Variants in THSD4 observed in about 807,000 individuals in gnomAD.
THSD4 encodes thrombospondin type 1 domain containing 4, also known as thrombospondin type-1 domain-containing protein 4.
A neutral mutation model predicts 119.0 loss-of-function variants in THSD4; 69 were observed. The observed-to-expected ratio is 0.58, with a 90% CI of 0.48 to 0.71. The LOEUF is 0.71. Ranked by LOEUF, THSD4 falls within the 30% of genes least tolerant of loss-of-function variation. The probability of loss-of-function intolerance (pLI) is 0.00; values close to 1 mark genes in which losing one functional copy is unlikely to be tolerated. For missense variants in THSD4, 1,393 were observed against 1,391.1 expected, an observed-to-expected ratio of 1.00 and a Z score of -0.02; for synonymous variants, 524 against 540.4, an observed-to-expected ratio of 0.97 and a Z score of 0.42.
At chr15:71,295,633 A>T (rs1943033544) in intron 6 of THSD4, among the ~76,000 whole-genome samples, 1 of 152,046 alleles carries the variant, frequency 6.6e-6, no homozygotes, top group Non-Finnish European at 1.5e-5. Flanking sequence ...ATTGGAATTC[A>T]GTGGTTCTCA....
intron 6 of THSD4, among the ~76,000 whole-genome samples, chr15:71,383,986 G>C: frequency 6.6e-6 from 1 of 152,024 alleles, no homozygotes; most frequent in Middle Eastern, 3.2e-3. Context: ...GTATTTGAGA[G>C]ACCAATTTAG....
chr15:71,623,146 G>C (rs187365525), intron 7 of THSD4, among the ~76,000 whole-genome samples: 1 of 152,126 alleles, frequency 6.6e-6, no homozygotes, highest in African/African-American at 2.4e-5. Flanking sequence ...TTGGAGGGAA[G>C]GGGTAATGAA....
intron 6 of THSD4, among the ~76,000 whole-genome samples, chr15:71,326,700 A>AAAAAAAAATATATATATATATAT (rs1555464320): frequency 1.5e-4 from 1 of 6,452 alleles, no homozygotes; most frequent in Non-Finnish European, 3.6e-4. Context: ...AAAAAAAAAA[A>AAAAAAAAATATATATATATATAT]ATATATATAT....
chr15:71,241,585 T>C (rs1489500483), intron 4 of THSD4, among the ~76,000 whole-genome samples: 1 of 152,236 alleles, frequency 6.6e-6, no homozygotes, highest in African/African-American at 2.4e-5. Flanking sequence ...TAAATATTCA[T>C]GCAGTGGTGT....
At chr15:71,758,917 A>G (rs932970340) in intron 15 of THSD4, among the ~76,000 whole-genome samples, 2 of 152,214 alleles carry the variant, frequency 1.3e-5, no homozygotes, top group South Asian at 4.1e-4. Flanking sequence ...GAACCATAAA[A>G]ATGTTCCTTT....
At chr15:71,364,493 C>A (rs2045930888) in intron 6 of THSD4, among the ~76,000 whole-genome samples, 1 of 152,180 alleles carries the variant, frequency 6.6e-6, no homozygotes, top group Non-Finnish European at 1.5e-5. Flanking sequence ...TTCACCTGTT[C>A]AAATGCGGAA....
intron 11 of THSD4, 23 bp downstream of exon 11, chr15:71,738,030 T>G (rs944141684): frequency 1.2e-6 from 2 of 1,611,458 alleles, no homozygotes; most frequent in African/African-American, 2.7e-5. Flanking sequence ...GGGGGACGGG[T>G]GGATCCCTGC....
chr15:71,309,797 T>A (rs913228224), intron 6 of THSD4, among the ~76,000 whole-genome samples: 1 of 152,210 alleles, frequency 6.6e-6, no homozygotes, highest in African/African-American at 2.4e-5. Context: ...TATGGGCTTG[T>A]TTTCTGTTTC....
chr15:71,217,929 G>A (rs1001875459), intron 4 of THSD4, among the ~76,000 whole-genome samples: 4 of 151,824 alleles, frequency 2.6e-5, no homozygotes, highest in Non-Finnish European at 5.9e-5. Context: ...TGGGACTGCA[G>A]GCATGTACCA....
intron 2 of THSD4, among the ~76,000 whole-genome samples, chr15:71,147,280 C>A (rs1300498124): frequency 6.6e-6 from 1 of 152,196 alleles, no homozygotes; most frequent in Non-Finnish European, 1.5e-5. Flanking sequence ...TCATAGCTCA[C>A]TGCCACCTCA....
chr15:71,596,326 C>G (rs557976584), intron 7 of THSD4, among the ~76,000 whole-genome samples: 8 of 152,264 alleles, frequency 5.3e-5, no homozygotes, highest in African/African-American at 1.9e-4. Context: ...TCTCTTTCTT[C>G]TTCTTCTCCA....
chr15:71,711,083 G>A (rs200044640), intron 8 of THSD4, among the ~76,000 whole-genome samples: 82 of 128,180 alleles, frequency 6.4e-4, no homozygotes, highest in Middle Eastern at 3.7e-3. Context: ...ATATATATAT[G>A]TATATATATA....
chr15:71,542,648 T>A (rs1186966557), intron 7 of THSD4, among the ~76,000 whole-genome samples: 1 of 151,584 alleles, frequency 6.6e-6, no homozygotes, highest in Admixed American at 6.6e-5. Flanking sequence ...GAGGCCGAGG[T>A]AGGCGGATCA....
In THSD4 at chr15:71,442,660, GTATATATATATATATATATATATA is replaced by G. The variant is rs71154772; in HGVS notation, c.1152+30857_1152+30880del. 3.5e-4 allele frequency among the ~76,000 whole-genome samples: 9 copies of G among 25,828 alleles called. 1 individual carries two copies. The highest frequency in any genetic ancestry group is 8.6e-4 in the African/African-American group (8 of 9,270). The allele number at this position is 25,828 out of a possible 152,430, so 16.9% of individuals were successfully genotyped here. On this transcript the variant is annotated intron_variant, in intron 7 of 17. Coordinates refer to ENST00000261862, the MANE Select transcript of THSD4 (RefSeq NM_024817.3). ...TGTGTGTATATGTGTGTGTGTGTGTGTATATATATATATATATATATATATATATATATATATATATATGAAGGG... is the reference window on the plus strand; with the variant it reads ...TGTGTGTATATGTGTGTGTGTGTGTGTATATATATATATATATATGAAGGG...
chr15:71,722,127 C>T (rs1284857177), intron 8 of THSD4, among the ~76,000 whole-genome samples: 1 of 152,182 alleles, frequency 6.6e-6, no homozygotes, highest in African/African-American at 2.4e-5. Context: ...GCCACCTGCA[C>T]CTTTTTGTGA....
At chr15:71,402,150 T>C (rs2046544340) in intron 6 of THSD4, among the ~76,000 whole-genome samples, 1 of 151,706 alleles carries the variant, frequency 6.6e-6, no homozygotes, top group Admixed American at 6.6e-5. Flanking sequence ...ATACCTAATC[T>C]AAATGACAAG....
At chr15:71,553,908 TATTTG>T (rs1268331243) in intron 7 of THSD4, among the ~76,000 whole-genome samples, 1 of 152,160 alleles carries the variant, frequency 6.6e-6, no homozygotes, top group Non-Finnish European at 1.5e-5. Context: ...TTTGCTACTG[TATTTG>T]ATTTATAAAT....
intron 2 of THSD4, among the ~76,000 whole-genome samples, chr15:71,147,280 C>G (rs1300498124): frequency 6.6e-6 from 1 of 152,196 alleles, no homozygotes; most frequent in Non-Finnish European, 1.5e-5. Flanking sequence ...TCATAGCTCA[C>G]TGCCACCTCA....
intron 3 of THSD4, among the ~76,000 whole-genome samples, chr15:71,206,462 G>A (rs997237953): frequency 6.6e-6 from 1 of 152,284 alleles, no homozygotes; most frequent in South Asian, 2.1e-4. Context: ...ACTCCAAGGT[G>A]TATTTTTGAA....
Sources: gnomAD v4.1 joint callset for allele counts (sites outside exome capture counted in the v4.1 genomes callset) on GRCh38, gnomAD v4.1.1 for gene constraint, MANE v1.5 for transcripts, NCBI Gene and HGNC (gene_info 2026-07-23, HGNC 2026-07-21) for gene names.